Variants in SEMA4B observed in about 807,000 individuals in gnomAD.
SEMA4B encodes semaphorin 4B.
Under a neutral mutation model 88.1 loss-of-function variants are expected in SEMA4B, and 55 were observed. The ratio of observed to expected loss-of-function variants is 0.62; its 90% CI spans 0.50 to 0.78. The LOEUF is 0.78. Among genes scored for constraint, SEMA4B ranks in the 30% least tolerant of loss-of-function variants. The pLI, the probability that SEMA4B is intolerant of heterozygous loss-of-function variation, is 0.00. For missense variants in SEMA4B, 1,062 were observed against 1,111.9 expected, an observed-to-expected ratio of 0.96 and a Z score of 0.64; for synonymous variants, 525 against 473.6, an observed-to-expected ratio of 1.11 and a Z score of -1.41.
chr15:90,221,326 G>A (rs773771582), intron 5 of SEMA4B, 41 bp from the exon 6 acceptor site: 100 of 1,483,644 alleles, frequency 6.7e-5, no homozygotes, highest in Non-Finnish European at 7.6e-5. Context: ...AGAAGGGGCC[G>A]TGCTGAGGAG....
chr15:90,225,172 G>A lies in SEMA4B; in HGVS notation c.1399G>A (p.Gly467Ser). The change falls in exon 10 of 14, where the codon GGC becomes AGC. Residue 467 changes from glycine to serine, a missense_variant. Gly to Ser is a moderately conservative substitution (Grantham distance 56). Coordinates refer to ENST00000411539, the MANE Select transcript of SEMA4B (RefSeq NM_198925.4). ...CCACACCTACGATGTCCTCTTCCTG[G>A]GCACTGGTAAGTGTCTGCAGCCCAG... ...LHHTYDVLFL[G>S]TGDGRLHKAV... 6.3e-7 allele frequency: 1 copy of A among 1,599,508 alleles called. No individual in the cohort carries two copies. The highest frequency in any genetic ancestry group is 8.5e-7 in the Non-Finnish European group (1 of 1,173,024).
chr15:90,217,863 G>A (rs772493515), intron 3 of SEMA4B, 34 bp downstream of exon 3: 1 of 1,575,664 alleles, frequency 6.3e-7, no homozygotes, highest in East Asian at 2.3e-5. Context: ...CTGAGCTGCA[G>A]GAGGGATGGA....
In SEMA4B at chr15:90,228,472, G is replaced by T; in HGVS notation, c.2343G>T (p.Pro781=). ...ACGGCCTAGGGCCCCCTAGCACCCC[G>T]CTCGATCACCGAGGGTACCAGTCCC... is the stretch of plus-strand genomic sequence containing the variant. ...PLNGLGPPST[P]LDHRGYQSLS... Residue 781 remains proline (P), a synonymous_variant, in exon 14 of 14, where the codon CCG becomes CCT. Transcript: ENST00000411539. 1.2e-6 allele frequency: 2 copies of T among 1,608,562 alleles called. No homozygotes were observed. Among genetic ancestry groups the T allele is most frequent in the Non-Finnish European group, 1.7e-6 (2 of 1,178,070 alleles).
intron 1 of SEMA4B, among the ~76,000 whole-genome samples, chr15:90,188,797 A>G (rs971606519): frequency 2.0e-5 from 3 of 151,816 alleles, no homozygotes; most frequent in Admixed American, 6.6e-5. Flanking sequence ...CCTCCCGAGT[A>G]GCTGGGACTA....
At chr15:90,197,716 CGTGAGCCACCAT>C (rs1567043941), upstream of SEMA4B, among the ~76,000 whole-genome samples, 9 of 151,686 alleles carry the variant, frequency 5.9e-5, no homozygotes, top group Non-Finnish European at 1.0e-4. Flanking sequence ...GGATTACAGG[CGTGAGCCACCAT>C]GCCCGGCCCT....
chr15:90,186,194 A>G (rs1214490782), intron 1 of SEMA4B, among the ~76,000 whole-genome samples: 1 of 151,906 alleles, frequency 6.6e-6, no homozygotes, highest in Non-Finnish European at 1.5e-5. Context: ...TTGGCCTCCC[A>G]ATGTGCCTGG....
rs773761828 is a variant in SEMA4B at position 90,228,231 on chromosome 15, C to T, written c.2102C>T (p.Pro701Leu). The T allele has an allele frequency of 1.5e-5, 24 of 1,602,788 alleles. No homozygotes were observed. Among genetic ancestry groups the T allele is most frequent in the East Asian group, 2.2e-5 (1 of 44,864 alleles). ...ATCAGCACATCGCGTGTGAGTGCAC[C>T]AGCTGGTGGCAAGGCCAGCTGGGGT... The part of the protein sequence containing the change: ...VIISTSRVSA[P>L]AGGKASWGAD... Residue 701 changes from proline (P) to leucine (L), a missense_variant, in exon 14 of 14, where the codon CCA (proline) becomes CTA (leucine). Transcript: ENST00000411539.
At chr15:90,219,749 A>C (rs762922769) in intron 3 of SEMA4B, 44 bp from the exon 4 acceptor site, 2 of 1,522,042 alleles carry the variant, frequency 1.3e-6, no homozygotes, top group South Asian at 1.2e-5. Context: ...CCCTGGTGGC[A>C]TGCTTGGGCG....
intron 1 of SEMA4B, among the ~76,000 whole-genome samples, chr15:90,188,091 G>T (rs1214437467): frequency 6.6e-6 from 1 of 151,958 alleles, no homozygotes; most frequent in African/African-American, 2.4e-5. Flanking sequence ...GGCCAAGGTG[G>T]GTGGATCGCT....
chr15:90,224,156 T>C (rs1962021922), intron 9 of SEMA4B, among the ~76,000 whole-genome samples, 168 bp downstream of exon 9: 1 of 152,230 alleles, frequency 6.6e-6, no homozygotes, highest in African/African-American at 2.4e-5. Context: ...TGTACTGGGT[T>C]AGATATAAGT....
intron 1 of SEMA4B, among the ~76,000 whole-genome samples, chr15:90,204,022 T>C (rs1418486299): frequency 6.6e-6 from 1 of 152,152 alleles, no homozygotes; most frequent in Non-Finnish European, 1.5e-5. Flanking sequence ...GTCCTAGGGC[T>C]GGCTGGGAGT....
intron 1 of SEMA4B, among the ~76,000 whole-genome samples, chr15:90,194,437 C>T (rs2151586091): frequency 6.6e-6 from 1 of 152,064 alleles, no homozygotes; most frequent in African/African-American, 2.4e-5. Flanking sequence ...GAGGCTGAGG[C>T]AGGAGAATCG....
chr15:90,189,787 T>C (rs1001873711), intron 1 of SEMA4B, among the ~76,000 whole-genome samples: 1 of 152,184 alleles, frequency 6.6e-6, no homozygotes, highest in African/African-American at 2.4e-5. Flanking sequence ...AAAGCTCTGA[T>C]TCCCTCTCTC....
intron 1 of SEMA4B, among the ~76,000 whole-genome samples, chr15:90,214,328 CAAA>C (rs11289702): frequency 1.2e-4 from 11 of 89,218 alleles, no homozygotes; most frequent in Admixed American, 2.4e-4. Context: ...AACTCCGTCT[CAAA>C]AAAAAAAAAA....
intron 1 of SEMA4B, among the ~76,000 whole-genome samples, chr15:90,188,761 G>A (rs1020891291): frequency 2.6e-5 from 4 of 151,914 alleles, no homozygotes; most frequent in Non-Finnish European, 4.4e-5. Context: ...TCCGCCCCCC[G>A]GATTCATGCC....
chr15:90,219,969 A>G, intron 4 of SEMA4B, 78 bp downstream of exon 4: 3 of 1,123,162 alleles, frequency 2.7e-6, no homozygotes, highest in Non-Finnish European at 3.9e-6. Flanking sequence ...GTTCTGTAGC[A>G]TAGACCCCTG....
At chr15:90,186,455 A>G (rs937805109) in intron 1 of SEMA4B, among the ~76,000 whole-genome samples, 4 of 151,590 alleles carry the variant, frequency 2.6e-5, no homozygotes, top group Non-Finnish European at 4.4e-5. Flanking sequence ...CCTCGTCTCT[A>G]GTAAAAACAC....
chr15:90,203,294 C>T (rs1960832194), intron 1 of SEMA4B, among the ~76,000 whole-genome samples: 1 of 152,244 alleles, frequency 6.6e-6, no homozygotes, highest in East Asian at 1.9e-4. Flanking sequence ...CAGGTGTAAC[C>T]AGCCCCAGGC....
At chr15:90,217,309 C>A (rs1279684838) in intron 1 of SEMA4B, 130 bp from the exon 2 acceptor site, 4 of 841,122 alleles carry the variant, frequency 4.8e-6, no homozygotes, top group Non-Finnish European at 7.4e-6. Flanking sequence ...CCCCTGCCCC[C>A]AGCCCCTTGC....
Sources: gnomAD v4.1 joint callset for allele counts (sites outside exome capture counted in the v4.1 genomes callset) on GRCh38, gnomAD v4.1.1 for gene constraint, MANE v1.5 for transcripts, NCBI Gene and HGNC (gene_info 2026-07-23, HGNC 2026-07-21) for gene names.